The following ADCY2 variants were observed in gnomAD, a reference collection of about 807,000 sequenced individuals.
ADCY2 encodes adenylate cyclase type 2.
In ADCY2, 31 loss-of-function variants were observed where a neutral mutation model predicts 125.2. That is an observed-to-expected ratio of 0.25 (90% confidence interval 0.19 to 0.33). ADCY2 has a LOEUF of 0.33. Ranked by LOEUF, ADCY2 falls within the 10% of genes least tolerant of loss-of-function variation. The probability of loss-of-function intolerance (pLI) is 1.00; values close to 1 mark genes in which losing one functional copy is unlikely to be tolerated. For missense variants in ADCY2, 904 were observed against 1,418.2 expected, an observed-to-expected ratio of 0.64 and a Z score of 5.82; for synonymous variants, 512 against 548.4, an observed-to-expected ratio of 0.93 and a Z score of 0.93.
intron 2 of ADCY2, among the ~76,000 whole-genome samples, chr5:7,506,301 A>G (rs941943846): frequency 6.6e-6 from 1 of 152,246 alleles, no homozygotes; most frequent in Non-Finnish European, 1.5e-5. Flanking sequence ...CATATAAAAT[A>G]TGCAGACTAT....
At chr5:7,526,501 G>T (rs1014420985) in intron 3 of ADCY2, among the ~76,000 whole-genome samples, 1 of 152,132 alleles carries the variant, frequency 6.6e-6, no homozygotes, top group African/African-American at 2.4e-5. Flanking sequence ...AAGGATTAAG[G>T]TTGGAGGTGA....
At chr5:7,444,262 C>T (rs1213648938) in intron 2 of ADCY2, among the ~76,000 whole-genome samples, 6 of 151,778 alleles carry the variant, frequency 4.0e-5, no homozygotes, top group Non-Finnish European at 5.9e-5. Context: ...TACAGGCGCC[C>T]GCCACCACGC....
At chr5:7,548,892 C>G (rs977140971) in intron 3 of ADCY2, among the ~76,000 whole-genome samples, 6 of 152,198 alleles carry the variant, frequency 3.9e-5, no homozygotes, top group Non-Finnish European at 7.3e-5. Flanking sequence ...CTTTGTTTCT[C>G]ACTCTGGGAG....
At chr5:7,441,500 G>C (rs1049364425) in intron 2 of ADCY2, among the ~76,000 whole-genome samples, 1 of 151,514 alleles carries the variant, frequency 6.6e-6, no homozygotes, top group Non-Finnish European at 1.5e-5. Context: ...GGATGATAGC[G>C]TGCTGGTAAA....
chr5:7,443,468 G>A (rs200211942), intron 2 of ADCY2, among the ~76,000 whole-genome samples: 2 of 151,190 alleles, frequency 1.3e-5, no homozygotes, highest in African/African-American at 2.4e-5. Context: ...GTGAAACCCC[G>A]TCTCTACTAA....
chr5:7,774,376 A>T (rs1408947967), intron 18 of ADCY2, among the ~76,000 whole-genome samples: 1 of 152,266 alleles, frequency 6.6e-6, no homozygotes, highest in Non-Finnish European at 1.5e-5. Flanking sequence ...ATTGCCAACT[A>T]AACATGCTTT....
At chr5:7,707,387 G>C (rs1333521462) in intron 8 of ADCY2, among the ~76,000 whole-genome samples, 2 of 152,166 alleles carry the variant, frequency 1.3e-5, no homozygotes, top group Non-Finnish European at 2.9e-5. Flanking sequence ...ATACAGATTA[G>C]CATACTTCCT....
chr5:7,566,543 G>A (rs775720962), intron 3 of ADCY2, among the ~76,000 whole-genome samples: 1 of 152,070 alleles, frequency 6.6e-6, no homozygotes, highest in Non-Finnish European at 1.5e-5. Flanking sequence ...ATTCTTATGA[G>A]TAACAGACTC....
chr5:7,788,840 C>T (rs1395967407), intron 19 of ADCY2, among the ~76,000 whole-genome samples: 1 of 152,156 alleles, frequency 6.6e-6, no homozygotes. Flanking sequence ...TACACACTCT[C>T]CACTAAGCCC....
intron 2 of ADCY2, among the ~76,000 whole-genome samples, chr5:7,488,026 T>TTACTTTTAA (rs1335182973): frequency 5.9e-5 from 9 of 152,158 alleles, no homozygotes; most frequent in Admixed American, 5.9e-4. Context: ...ATGATATTAA[T>TTACTTTTAA]CATAAAAGTT....
chr5:7,595,537 G>A (rs778514139), intron 3 of ADCY2, among the ~76,000 whole-genome samples: 14 of 151,988 alleles, frequency 9.2e-5, no homozygotes, highest in Admixed American at 3.9e-4. Flanking sequence ...TCTTCTTGTC[G>A]GAGAGAGAAA....
intron 19 of ADCY2, among the ~76,000 whole-genome samples, chr5:7,789,163 G>A (rs1473921692): frequency 2.0e-5 from 3 of 152,196 alleles, no homozygotes; most frequent in African/African-American, 7.2e-5. Context: ...ATTTTGCAAT[G>A]ATTACATAAT....
At chr5:7,752,810 A>G (rs546890241) in intron 15 of ADCY2, among the ~76,000 whole-genome samples, 301 of 151,868 alleles carry the variant, frequency 2.0e-3, no homozygotes, top group African/African-American at 7.0e-3. Flanking sequence ...GTACTGGATT[A>G]AGAACATTGG....
intron 2 of ADCY2, among the ~76,000 whole-genome samples, chr5:7,513,492 C>T (rs1335039594): frequency 6.6e-6 from 1 of 152,136 alleles, no homozygotes; most frequent in Non-Finnish European, 1.5e-5. Context: ...AAAGTTTAAA[C>T]AATGTACCTA....
Position 7,690,776 on chromosome 5 carries a change from C to A in ADCY2, c.806C>A (p.Ala269Glu). The A allele has an allele frequency of 1.2e-6, 2 of 1,610,248 alleles. No homozygotes were observed. Among genetic ancestry groups the A allele is most frequent in the Non-Finnish European group, 1.7e-6 (2 of 1,178,608 alleles). ...EIIQRLQGPK[A>E]GQMENTNNFH... ...ATCCAGAGGCTGCAGGGCCCCAAGG[C>A]GGGCCAGATGGAGAACACAAATAAC... The change falls in exon 5 of 25, where the codon GCG becomes GAG. Residue 269 changes from alanine (A) to glutamate (E), a missense_variant. This residue lies in a region of ADCY2 where 117 missense variants were observed against 248.0 expected (regional missense o/e 0.47). Coordinates refer to ENST00000338316, the MANE Select transcript of ADCY2 (RefSeq NM_020546.3).
chr5:7,579,034 A>G (rs902730021), intron 3 of ADCY2, among the ~76,000 whole-genome samples: 4 of 152,216 alleles, frequency 2.6e-5, no homozygotes, highest in African/African-American at 7.2e-5. Flanking sequence ...TGGAATGATA[A>G]GTCTTAGGAA....
chr5:7,786,990 G>A (rs915595599), intron 19 of ADCY2, among the ~76,000 whole-genome samples: 1 of 152,162 alleles, frequency 6.6e-6, no homozygotes, highest in South Asian at 2.1e-4. Context: ...GGGGTCCCAG[G>A]CATGTCCTGG....
At chr5:7,759,757 C>T (rs908086306) in intron 16 of ADCY2, among the ~76,000 whole-genome samples, 10 of 152,192 alleles carry the variant, frequency 6.6e-5, no homozygotes, top group African/African-American at 2.4e-4. Flanking sequence ...TGTGCCATGT[C>T]TAGACAACAA....
At chr5:7,775,175 T>TTGTG (rs200142910) in intron 18 of ADCY2, among the ~76,000 whole-genome samples, 36,318 of 146,056 alleles carry the variant, frequency 0.25, 4,824 homozygotes, top group Non-Finnish European at 0.32. Flanking sequence ...CCCAGCTACT[T>TTGTG]TGTGTGTGTG....
Sources: allele counts gnomAD v4.1 joint callset (sites outside exome capture counted in the v4.1 genomes callset), GRCh38; gene constraint gnomAD v4.1.1; regional missense constraint gnomAD v4.1.1; transcripts MANE v1.5; gene names NCBI Gene and HGNC (gene_info 2026-07-23, HGNC 2026-07-21).